The following JPH2 variants were observed in gnomAD, a reference collection of about 807,000 sequenced individuals.
JPH2 encodes the protein junctophilin-2.
JPH2 carries 38 observed loss-of-function variants against 55.9 expected under a neutral mutation model. The ratio of observed to expected loss-of-function variants is 0.68; its 90% CI spans 0.52 to 0.89. JPH2 has a LOEUF of 0.89. Ranked by LOEUF, JPH2 falls within the 40% of genes least tolerant of loss-of-function variation. The pLI, the probability that JPH2 is intolerant of heterozygous loss-of-function variation, is 0.00. For missense variants in JPH2, 964 were observed against 1,037.6 expected (o/e 0.93, Z 0.97); for synonymous variants, 480 against 472.4 (o/e 1.02, Z -0.21).
intron 2 of JPH2, among the ~76,000 whole-genome samples, chr20:44,150,146 G>T (rs982536174): frequency 1.3e-5 from 2 of 152,008 alleles, no homozygotes; most frequent in East Asian, 3.9e-4. Context: ...AGAGAAACAA[G>T]TTAAACAGCA....
chr20:44,123,610 C>A (rs79502691), intron 2 of JPH2, among the ~76,000 whole-genome samples: 2 of 152,180 alleles, frequency 1.3e-5, no homozygotes, highest in African/African-American at 4.8e-5. Flanking sequence ...GAAGGGCAGG[C>A]GGAATGACTG....
At chr20:44,139,719 A>C (rs968657763) in intron 2 of JPH2, among the ~76,000 whole-genome samples, 3 of 152,248 alleles carry the variant, frequency 2.0e-5, no homozygotes, top group Admixed American at 6.5e-5. Flanking sequence ...TAGCAATTTC[A>C]TATTTTCCAT....
chr20:44,180,489 G>A (rs2072772574), intron 1 of JPH2, among the ~76,000 whole-genome samples: 1 of 152,042 alleles, frequency 6.6e-6, no homozygotes, highest in Non-Finnish European at 1.5e-5. Context: ...GTGCCACCAT[G>A]TCCAGCTAAT....
Position 44,112,704 on chromosome 20 carries a change from C to G in JPH2, c.*814G>C, listed in dbSNP as rs1415426818. On this transcript the variant is annotated 3_prime_UTR_variant, in exon 6 of 6. Coordinates refer to ENST00000372980, the MANE Select transcript of JPH2 (RefSeq NM_020433.5). ...AGGTGACCCTCTAGCATCCCAAGCA[C>G]ACGGGAAACCCCAAATGCAATCCCA... 1 of 152,482 alleles carries G rather than the reference C, an allele frequency of 6.6e-6. No individual in the cohort carries two copies. Among genetic ancestry groups the G allele is most frequent in the Non-Finnish European group, 1.5e-5 (1 of 68,280 alleles). The allele number at this position is 152,482 out of a possible 1,614,324, so 9.4% of individuals were successfully genotyped here. A position where few individuals can be genotyped will look rare whatever the true frequency, so the allele number is the denominator to read the frequency against.
chr20:44,170,739 A>G (rs2072691146), intron 1 of JPH2, among the ~76,000 whole-genome samples: 1 of 152,220 alleles, frequency 6.6e-6, no homozygotes, highest in Admixed American at 6.5e-5. Flanking sequence ...TGGAAATCAC[A>G]TGGTCTTCAG....
rs571512313 is a variant in JPH2, at chr20:44,108,802, G to A, written c.*4716C>T. Among the ~76,000 whole-genome samples the A allele has an allele frequency of 9.2e-5, 14 of 152,156 alleles. 1 individual carries two copies. The South Asian group carries it at 1.5e-3, about 16-fold the overall frequency. On this transcript the variant is annotated 3_prime_UTR_variant, in exon 6 of 6. Transcript: ENST00000372980. ...GTCTGTGGACAAAATATGACTCCCC[G>A]CTCAGTCCAGGCTCTGTCACTGACT... is the stretch of plus-strand genomic sequence containing the variant.
chr20:44,186,183 G>A, intron 1 of JPH2, 144 bp downstream of exon 1: 1 of 857,388 alleles, frequency 1.2e-6, no homozygotes, highest in Non-Finnish European at 1.8e-6. Context: ...GAAAGGTAGA[G>A]CAGCTTGCCC....
In JPH2 at chr20:44,107,719, T is replaced by G. The variant is rs1049922758; in HGVS notation, c.*5799A>C. 1.3e-5 allele frequency among the ~76,000 whole-genome samples: 2 copies of G among 152,196 alleles called. No homozygotes were observed. Among genetic ancestry groups the G allele is most frequent in the Admixed American group, 1.3e-4 (2 of 15,284 alleles). ...GCTTACACTAACTAATGCATGGATA[T>G]AGAGATGAATCACAGATAGCCCCTC... On this transcript the variant is annotated 3_prime_UTR_variant, in exon 6 of 6. Transcript: ENST00000372980.
chr20:44,122,209 A>C lies in JPH2; in HGVS notation c.1170-3586T>G, dbSNP rs59476764. Among the ~76,000 whole-genome samples, 703 of 152,338 alleles carry C rather than the reference A, an allele frequency of 4.6e-3. 3 individuals are homozygous for C. Among genetic ancestry groups the C allele is most frequent in the African/African-American group, 0.016 (659 of 41,580 alleles). The stretch of plus-strand genomic sequence containing the variant: ...ATGCCATATTGCCATAGTAATGCTT[A>C]CTGAATGAATACATGGCTGAAGGCA... On this transcript the variant is annotated intron_variant, in intron 2 of 5. Transcript: ENST00000372980.
At chr20:44,175,356 T>C (rs1569219034) in intron 1 of JPH2, among the ~76,000 whole-genome samples, 1 of 152,238 alleles carries the variant, frequency 6.6e-6, no homozygotes, top group Non-Finnish European at 1.5e-5. Context: ...TAAAGTCCTG[T>C]TGTACTTCAT....
At chr20:44,117,333 AG>A (rs1048035703) in intron 3 of JPH2, among the ~76,000 whole-genome samples, 14 of 152,152 alleles carry the variant, frequency 9.2e-5, no homozygotes, top group African/African-American at 3.4e-4. Context: ...TCTGTCCCTC[AG>A]GGGTTCCCAC....
intron 1 of JPH2, among the ~76,000 whole-genome samples, chr20:44,164,068 G>A (rs1600860559): frequency 6.6e-6 from 1 of 152,216 alleles, no homozygotes; most frequent in African/African-American, 2.4e-5. Context: ...GAAGTTATGT[G>A]ACTTGCCCAA....
intron 2 of JPH2, among the ~76,000 whole-genome samples, chr20:44,155,931 G>GT (rs997850897): frequency 1.4e-4 from 21 of 151,964 alleles, no homozygotes; most frequent in African/African-American, 4.8e-4. Flanking sequence ...AGCTACTTTG[G>GT]TGACTGAGGC....
At chr20:44,141,318 G>A (rs913310223) in intron 2 of JPH2, among the ~76,000 whole-genome samples, 7 of 152,190 alleles carry the variant, frequency 4.6e-5, no homozygotes, top group African/African-American at 1.4e-4. Flanking sequence ...TGCCTGGAAT[G>A]CAGAGGTGAG....
chr20:44,114,653 G>A, intron 5 of JPH2, 129 bp downstream of exon 5: 1 of 682,256 alleles, frequency 1.5e-6, no homozygotes, highest in South Asian at 1.6e-5. Context: ...TTCTGCAGGT[G>A]GGTGGGCCTC....
intron 1 of JPH2, among the ~76,000 whole-genome samples, chr20:44,166,293 A>G (rs1171807271): frequency 1.3e-5 from 2 of 152,256 alleles, no homozygotes; most frequent in Non-Finnish European, 2.9e-5. Flanking sequence ...CAGCTAATAA[A>G]TATGCCAGAG....
At chr20:44,117,793 C>T (rs959589610) in intron 3 of JPH2, among the ~76,000 whole-genome samples, 7 of 152,178 alleles carry the variant, frequency 4.6e-5, no homozygotes, top group Admixed American at 2.0e-4. Context: ...CCATTCTAAC[C>T]GCACAGTGCT....
chr20:44,129,563 A>C (rs796489978), intron 2 of JPH2, among the ~76,000 whole-genome samples: 7 of 122,370 alleles, frequency 5.7e-5, no homozygotes, highest in Admixed American at 1.8e-4. Flanking sequence ...AAAAAAAAAA[A>C]AAAAAACAAA....
chr20:44,138,556 A>AT, intron 2 of JPH2, among the ~76,000 whole-genome samples: 1 of 149,440 alleles, frequency 6.7e-6, no homozygotes, highest in South Asian at 2.1e-4. Context: ...TAATTTTTTT[A>AT]TTTTTTTGTA....
Sources: allele counts gnomAD v4.1 joint callset (sites outside exome capture counted in the v4.1 genomes callset), GRCh38; gene constraint gnomAD v4.1.1; transcripts MANE v1.5; gene names NCBI Gene and HGNC (gene_info 2026-07-23, HGNC 2026-07-21).